Variants in GPC5 observed in about 807,000 individuals in gnomAD.
The protein encoded by GPC5 is glypican 5, also known as glypican-5.
In GPC5, 47 loss-of-function variants were observed where a neutral mutation model predicts 53.9. That is an observed-to-expected ratio of 0.87 (90% CI 0.69 to 1.11). The LOEUF is 1.11. GPC5 is among the 50% of genes most tolerant of loss of function. The probability of loss-of-function intolerance (pLI) is 0.00; values close to 1 mark genes in which losing one functional copy is unlikely to be tolerated. For missense variants in GPC5, 748 were observed against 713.1 expected (o/e 1.05, Z -0.56); for synonymous variants, 286 against 263.3 (o/e 1.09, Z -0.84).
chr13:92,182,497 C>G (rs942495538), intron 7 of GPC5, among the ~76,000 whole-genome samples: 2 of 152,132 alleles, frequency 1.3e-5, no homozygotes, highest in African/African-American at 2.4e-5. Context: ...TATAATGAGT[C>G]AATTTAAGTA....
intron 7 of GPC5, among the ~76,000 whole-genome samples, chr13:92,610,859 C>T (rs1208566475): frequency 1.3e-5 from 2 of 151,816 alleles, no homozygotes; most frequent in East Asian, 3.9e-4. Context: ...GATTCAATTA[C>T]CTCCACCTGG....
intron 2 of GPC5, among the ~76,000 whole-genome samples, chr13:91,480,591 C>G (rs958012245): frequency 2.6e-5 from 4 of 152,154 alleles, no homozygotes; most frequent in African/African-American, 9.7e-5. Context: ...AGATTTCTAT[C>G]AAGACATATT....
intron 7 of GPC5, among the ~76,000 whole-genome samples, chr13:92,399,122 A>G (rs1018922351): frequency 7.9e-5 from 12 of 152,294 alleles, no homozygotes; most frequent in African/African-American, 2.6e-4. Flanking sequence ...ATGCTTCATG[A>G]TTTGGTCCCA....
chr13:92,834,448 A>G (rs920561425), intron 7 of GPC5, among the ~76,000 whole-genome samples: 3 of 152,118 alleles, frequency 2.0e-5, no homozygotes, highest in African/African-American at 7.2e-5. Flanking sequence ...TTAAGGGGAA[A>G]GTTACTCACA....
At chr13:92,079,609 G>T (rs1263010778) in intron 6 of GPC5, among the ~76,000 whole-genome samples, 1 of 152,134 alleles carries the variant, frequency 6.6e-6, no homozygotes, top group Non-Finnish European at 1.5e-5. Context: ...GACAACACCT[G>T]CTTCTAAATC....
chr13:91,774,984 G>A (rs1206888258), intron 5 of GPC5, among the ~76,000 whole-genome samples: 1 of 152,078 alleles, frequency 6.6e-6, no homozygotes, highest in East Asian at 1.9e-4. Context: ...AGACTTGCAG[G>A]GTAAGTAGGA....
intron 6 of GPC5, among the ~76,000 whole-genome samples, chr13:92,143,102 A>G (rs1306970179): frequency 2.0e-5 from 3 of 152,134 alleles, no homozygotes; most frequent in Non-Finnish European, 4.4e-5. Context: ...GCAATGGTCC[A>G]GGTGTATTAT....
At chr13:92,386,190 C>T (rs1874715107) in intron 7 of GPC5, among the ~76,000 whole-genome samples, 1 of 151,984 alleles carries the variant, frequency 6.6e-6, no homozygotes, top group African/African-American at 2.4e-5. Flanking sequence ...CATTTTTAAA[C>T]TCATGATGGA....
At chr13:92,381,921 C>CATATATCATATACAATATA (rs2043750033) in intron 7 of GPC5, among the ~76,000 whole-genome samples, 1 of 124,862 alleles carries the variant, frequency 8.0e-6, no homozygotes, top group South Asian at 2.4e-4. Context: ...TATATATAAT[C>CATATATCATATACAATATA]ATATATATGA....
chr13:91,920,389 T>C (rs2039699515), intron 6 of GPC5, among the ~76,000 whole-genome samples: 1 of 152,108 alleles, frequency 6.6e-6, no homozygotes, highest in Non-Finnish European at 1.5e-5. Context: ...GGAAGTAAAA[T>C]GATGAGACAT....
At chr13:92,537,527 A>T (rs2138996719) in intron 7 of GPC5, among the ~76,000 whole-genome samples, 1 of 152,294 alleles carries the variant, frequency 6.6e-6, no homozygotes, top group African/African-American at 2.4e-5. Context: ...GGTATTGAGT[A>T]AAATATGTTC....
intron 2 of GPC5, among the ~76,000 whole-genome samples, chr13:91,487,782 G>A (rs1883699413): frequency 6.6e-6 from 1 of 152,044 alleles, no homozygotes; most frequent in African/African-American, 2.4e-5. Context: ...CTTGTCTTTA[G>A]GATTCCTTCA....
intron 2 of GPC5, among the ~76,000 whole-genome samples, chr13:91,526,794 C>T (rs2138632556): frequency 6.6e-6 from 1 of 152,244 alleles, no homozygotes; most frequent in Non-Finnish European, 1.5e-5. Flanking sequence ...CTGGGGAAGC[C>T]TCAGGAAACT....
At chr13:92,388,627 A>C (rs1874853427) in intron 7 of GPC5, among the ~76,000 whole-genome samples, 1 of 152,130 alleles carries the variant, frequency 6.6e-6, no homozygotes, top group Non-Finnish European at 1.5e-5. Context: ...TATCCGTAAG[A>C]TGATACAGTA....
chr13:91,434,120 G>C (rs1418918401), intron 1 of GPC5, among the ~76,000 whole-genome samples: 2 of 152,214 alleles, frequency 1.3e-5, no homozygotes, highest in Non-Finnish European at 2.9e-5. Flanking sequence ...CAGATGAGTA[G>C]ATTGCAAAAA....
intron 5 of GPC5, among the ~76,000 whole-genome samples, chr13:91,824,358 G>A (rs2038542853): frequency 6.6e-6 from 1 of 151,910 alleles, no homozygotes; most frequent in Non-Finnish European, 1.5e-5. Context: ...GAGAGACTGA[G>A]GAAAGAAAGT....
intron 6 of GPC5, among the ~76,000 whole-genome samples, chr13:91,934,682 G>A (rs543406302): frequency 2.0e-5 from 3 of 151,864 alleles, no homozygotes; most frequent in Non-Finnish European, 2.9e-5. Flanking sequence ...AAATGACTTC[G>A]ATTATTGAAT....
At chr13:92,685,569 T>TTTAA in intron 7 of GPC5, among the ~76,000 whole-genome samples, 3 of 143,770 alleles carry the variant, frequency 2.1e-5, no homozygotes, top group South Asian at 2.3e-4. Context: ...AATTTTTTTT[T>TTTAA]TTTTTATTAT....
At chr13:91,797,370 G>A (rs1432106280) in intron 5 of GPC5, among the ~76,000 whole-genome samples, 2 of 151,998 alleles carry the variant, frequency 1.3e-5, no homozygotes, top group East Asian at 3.8e-4. Context: ...ATTTTTAGCA[G>A]TTCAAAGAAA....
Sources: allele counts gnomAD v4.1 joint callset (sites outside exome capture counted in the v4.1 genomes callset), GRCh38; gene constraint gnomAD v4.1.1; transcripts MANE v1.5; gene names NCBI Gene and HGNC (gene_info 2026-07-23, HGNC 2026-07-21).